Variants in MCC observed in about 807,000 individuals in gnomAD.
The protein encoded by MCC is MCC regulator of Wnt signaling pathway.
A neutral mutation model predicts 116.2 loss-of-function variants in MCC; 90 were observed. That is an observed-to-expected ratio of 0.77 (90% CI 0.65 to 0.92). MCC has a LOEUF of 0.92. Ranked by LOEUF, MCC falls within the 40% of genes least tolerant of loss-of-function variation. The pLI, the probability that MCC is intolerant of heterozygous loss-of-function variation, is 0.00. For synonymous variants in MCC, 578 were observed against 510.5 expected (o/e 1.13, Z -1.78); for missense variants, 1,516 against 1,312.2 (o/e 1.16, Z -2.40).
intron 3 of MCC, among the ~76,000 whole-genome samples, chr5:113,292,952 C>T (rs926086105): frequency 1.3e-5 from 2 of 152,180 alleles, no homozygotes; most frequent in South Asian, 2.1e-4. Context: ...CACTTAAATC[C>T]TCATGCCTCC....
Position 113,248,745 on chromosome 5 carries a change from T to C in MCC, c.627+91774A>G, listed in dbSNP as rs146467075. Among the ~76,000 whole-genome samples, 173 of 152,176 alleles carry C rather than the reference T, an allele frequency of 1.1e-3. 2 individuals carry two copies. In the East Asian group the frequency reaches 0.025, roughly 22 times the overall value. On this transcript the variant is annotated intron_variant, in intron 3 of 18. Transcript: ENST00000408903. ...CCATGTTAACGGTAGGGTTTTGATA[T>C]AAGATTCCCCTCAGCAGAAACAGGA...
At chr5:113,209,249 C>G (rs988312369) in intron 3 of MCC, among the ~76,000 whole-genome samples, 3 of 152,116 alleles carry the variant, frequency 2.0e-5, no homozygotes, top group African/African-American at 7.2e-5. Flanking sequence ...GACATGTTTA[C>G]CTAAAGTTGT....
chr5:113,326,986 AT>A (rs1767571096), intron 3 of MCC, among the ~76,000 whole-genome samples: 2 of 152,228 alleles, frequency 1.3e-5, no homozygotes, highest in South Asian at 4.1e-4. Context: ...TAAGATGCTA[AT>A]GTCATGTTTG....
intron 3 of MCC, among the ~76,000 whole-genome samples, chr5:113,209,124 A>G (rs1177127028): frequency 6.6e-6 from 1 of 152,186 alleles, no homozygotes; most frequent in Non-Finnish European, 1.5e-5. Context: ...GTGAGATTAT[A>G]TTCTGTTTAT....
intron 5 of MCC, among the ~76,000 whole-genome samples, chr5:113,139,929 C>G (rs890433949): frequency 9.2e-5 from 14 of 152,024 alleles, no homozygotes; most frequent in Non-Finnish European, 1.3e-4. Flanking sequence ...CAAGTGGGAT[C>G]TAATGAAGCT....
intron 1 of MCC, among the ~76,000 whole-genome samples, chr5:113,406,023 G>T (rs1769822124): frequency 6.6e-6 from 1 of 151,976 alleles, no homozygotes; most frequent in Non-Finnish European, 1.5e-5. Flanking sequence ...TGTCTCAAAA[G>T]CGGCACAATT....
At chr5:113,172,021 C>G (rs931737224) in intron 3 of MCC, among the ~76,000 whole-genome samples, 1 of 152,154 alleles carries the variant, frequency 6.6e-6, no homozygotes, top group African/African-American at 2.4e-5. Flanking sequence ...TATGGGAGCA[C>G]TGAGGGGGAA....
intron 1 of MCC, among the ~76,000 whole-genome samples, chr5:113,449,670 GA>G (rs1771330456): frequency 6.6e-6 from 1 of 152,220 alleles, no homozygotes; most frequent in South Asian, 2.1e-4. Context: ...AGCAGTCATG[GA>G]GGAGGCTCAG....
rs771245696 is a variant in MCC at position 113,385,146 on chromosome 5, C to G, written c.237G>C (p.Gln79His). Residue 79 changes from glutamine (Q) to histidine (H), a missense_variant, in exon 2 of 19, where the codon CAG becomes CAC. Gln to His is a conservative substitution (Grantham distance 24). Coordinates refer to ENST00000408903, the MANE Select transcript of MCC (RefSeq NM_001085377.2). ...MEESVAEIMNQLGADENGKIS... is the reference protein window; with the variant it reads ...MEESVAEIMNHLGADENGKIS... The stretch of plus-strand genomic sequence containing the variant: ...TCTTCCCATTTTCATCTGCTCCCAA[C>G]TGGTTCATGATCTCAGCCACAGACT... 2 of 1,614,200 alleles carry G rather than the reference C, an allele frequency of 1.2e-6. No individual in the cohort carries two copies. Among genetic ancestry groups the G allele is most frequent in the South Asian group, 1.1e-5 (1 of 91,086 alleles).
intron 18 of MCC, among the ~76,000 whole-genome samples, 158 bp from the exon 19 acceptor site, chr5:113,027,640 G>T (rs556666837): frequency 6.6e-6 from 1 of 152,246 alleles, no homozygotes; most frequent in African/African-American, 2.4e-5. Context: ...TCAGAGGAGG[G>T]ACAGCACCAG....
At chr5:113,068,326 C>T (rs1376640970) in intron 12 of MCC, 143 bp from the exon 13 acceptor site, 3 of 632,228 alleles carry the variant, frequency 4.7e-6, no homozygotes, top group African/African-American at 3.6e-5. Flanking sequence ...CATGAATATT[C>T]CCAGGGCAGG....
chr5:113,168,246 A>G (rs1760879837), intron 3 of MCC, among the ~76,000 whole-genome samples: 1 of 152,226 alleles, frequency 6.6e-6, no homozygotes, highest in Non-Finnish European at 1.5e-5. Flanking sequence ...CAAGGCAACT[A>G]GAGAGCCATA....
At chr5:113,487,569 G>A (rs1052495526) in intron 1 of MCC, among the ~76,000 whole-genome samples, 5 of 152,132 alleles carry the variant, frequency 3.3e-5, no homozygotes, top group African/African-American at 9.7e-5. Flanking sequence ...GCGCGGAGGC[G>A]CCCGGAGCCA....
chr5:113,274,053 A>G (rs533735893), intron 3 of MCC, among the ~76,000 whole-genome samples: 2 of 152,334 alleles, frequency 1.3e-5, no homozygotes, highest in Non-Finnish European at 2.9e-5. Context: ...ACAGGTAAAC[A>G]TTGTATACCC....
intron 3 of MCC, among the ~76,000 whole-genome samples, chr5:113,270,609 A>G (rs182981647): frequency 1.3e-4 from 20 of 149,486 alleles, no homozygotes; most frequent in Admixed American, 1.3e-3. Flanking sequence ...ATCCCACACA[A>G]TGGGACACAG....
intron 8 of MCC, among the ~76,000 whole-genome samples, chr5:113,097,384 T>G (rs1416279029): frequency 6.6e-6 from 1 of 152,158 alleles, no homozygotes; most frequent in Non-Finnish European, 1.5e-5. Flanking sequence ...AAACATAAAT[T>G]AGAACATTAT....
chr5:113,300,335 C>T (rs975785844), intron 3 of MCC, among the ~76,000 whole-genome samples: 3 of 152,132 alleles, frequency 2.0e-5, no homozygotes, highest in Admixed American at 2.0e-4. Context: ...TGTCCTCCAG[C>T]CCACAAGAGT....
intron 3 of MCC, among the ~76,000 whole-genome samples, chr5:113,299,888 C>G (rs142394384): frequency 5.6e-4 from 85 of 152,310 alleles, no homozygotes; most frequent in African/African-American, 1.9e-3. Flanking sequence ...TCCTCTCCTT[C>G]CTGAGGCCTT....
chr5:113,075,229 T>C (rs539211113), intron 11 of MCC, among the ~76,000 whole-genome samples: 1 of 152,318 alleles, frequency 6.6e-6, no homozygotes, highest in South Asian at 2.1e-4. Flanking sequence ...TCCGGCCCGC[T>C]CGCGCCACGC....
Sources: gnomAD v4.1 joint callset for allele counts (sites outside exome capture counted in the v4.1 genomes callset) on GRCh38, gnomAD v4.1.1 for gene constraint, MANE v1.5 for transcripts, NCBI Gene and HGNC (gene_info 2026-07-23, HGNC 2026-07-21) for gene names.